CSTPP1: variants seen among roughly 807,000 people sequenced by gnomAD.
CSTPP1 encodes the protein centriolar satellite-associated tubulin polyglutamylase complex regulator 1.
chr11:46,936,980 G>A, the CSTPP1 span: 1 of 1,221,940 alleles, frequency 8.2e-7, no homozygotes. Context: ...GGAGAGGCGG[G>A]GGTTCCAGGG....
chr11:47,115,956 A>G, the CSTPP1 span, among the ~76,000 whole-genome samples: 10,473 of 152,162 alleles, frequency 0.069, 557 homozygotes, highest in Middle Eastern at 0.13. Flanking sequence ...TGGGCATTTA[A>G]TGCTATAAAT....
chr11:47,159,230 C>T, the CSTPP1 span, among the ~76,000 whole-genome samples: 1 of 152,190 alleles, frequency 6.6e-6, no homozygotes, highest in African/African-American at 2.4e-5. Flanking sequence ...AATTGACAGG[C>T]CAGGCGTGGT....
chr11:47,152,534 G>C, the CSTPP1 span, among the ~76,000 whole-genome samples: 4 of 150,356 alleles, frequency 2.7e-5, no homozygotes, highest in Non-Finnish European at 4.5e-5. Flanking sequence ...TGCGAGGCAG[G>C]GGTAGCCCTT....
the CSTPP1 span, among the ~76,000 whole-genome samples, chr11:47,006,172 A>C: frequency 6.6e-6 from 1 of 152,300 alleles, no homozygotes; most frequent in Middle Eastern, 3.4e-3. Context: ...CAAAATCAAG[A>C]ACTTAACATT....
the CSTPP1 span, among the ~76,000 whole-genome samples, chr11:47,100,490 G>T: frequency 6.6e-5 from 10 of 152,290 alleles, no homozygotes; most frequent in East Asian, 3.9e-4. Context: ...GGGCAAATTT[G>T]TTAGCAATAA....
At chr11:47,065,977 T>TTTGTGTGTG in the CSTPP1 span, among the ~76,000 whole-genome samples, 1 of 146,000 alleles carries the variant, frequency 6.8e-6, no homozygotes, top group East Asian at 2.0e-4. Context: ...GGTCTAACAG[T>TTTGTGTGTG]TGTGTGTGTG....
the CSTPP1 span, chr11:47,155,460 T>C: frequency 3.3e-6 from 2 of 611,838 alleles, no homozygotes; most frequent in South Asian, 3.8e-5. Flanking sequence ...GCCGACTTCC[T>C]CAGCCTCCTG....
At chr11:47,055,900 A>C in the CSTPP1 span, among the ~76,000 whole-genome samples, 4 of 152,246 alleles carry the variant, frequency 2.6e-5, no homozygotes, top group African/African-American at 9.6e-5. Flanking sequence ...TTTTAAGTTA[A>C]GTAATTCAGA....
At chr11:47,055,973 C>T in the CSTPP1 span, among the ~76,000 whole-genome samples, 1 of 152,180 alleles carries the variant, frequency 6.6e-6, no homozygotes, top group Non-Finnish European at 1.5e-5. Context: ...AGGTAAAGCT[C>T]GTGCTATGTT....
the CSTPP1 span, chr11:47,155,044 A>G: frequency 1.3e-6 from 1 of 775,322 alleles, no homozygotes. Flanking sequence ...GCCCCAGGGG[A>G]GACTGGCGGC....
At chr11:47,021,343 C>T in the CSTPP1 span, among the ~76,000 whole-genome samples, 1 of 152,182 alleles carries the variant, frequency 6.6e-6, no homozygotes, top group African/African-American at 2.4e-5. Context: ...GCTACTCACT[C>T]TCTTCTATTA....
chr11:47,163,986 A>T, the CSTPP1 span: 1 of 1,320,612 alleles, frequency 7.6e-7, no homozygotes, highest in African/African-American at 1.5e-5. Context: ...ATCCCCAGTC[A>T]AGCCTACTGC....
chr11:47,107,847 G>A, the CSTPP1 span, among the ~76,000 whole-genome samples: 2 of 136,690 alleles, frequency 1.5e-5, no homozygotes, highest in East Asian at 3.4e-4. Context: ...GAAACTGCTC[G>A]GTACAATTCC....
the CSTPP1 span, among the ~76,000 whole-genome samples, chr11:47,069,198 C>T: frequency 6.6e-6 from 1 of 152,210 alleles, no homozygotes; most frequent in South Asian, 2.1e-4. Flanking sequence ...TGATCTACTT[C>T]AACCCTTCCC....
the CSTPP1 span, among the ~76,000 whole-genome samples, chr11:47,101,197 T>TTTTTTTTTG: frequency 1.5e-5 from 2 of 136,820 alleles, no homozygotes; most frequent in African/African-American, 5.5e-5. Context: ...TTTATTTTAT[T>TTTTTTTTTG]TTTAGTAGAG....
At chr11:47,143,401 G>T in the CSTPP1 span, among the ~76,000 whole-genome samples, 1 of 152,198 alleles carries the variant, frequency 6.6e-6, no homozygotes, top group Non-Finnish European at 1.5e-5. Context: ...TCTGGGGACA[G>T]GCTGCAGAAG....
the CSTPP1 span, among the ~76,000 whole-genome samples, chr11:47,104,877 T>C: frequency 1.2e-4 from 19 of 152,328 alleles, 1 homozygote; most frequent in Middle Eastern, 6.8e-3. Flanking sequence ...AAACCCCTCT[T>C]GTGTTCAGTT....
At chr11:47,060,661 G>T in the CSTPP1 span, among the ~76,000 whole-genome samples, 1 of 152,122 alleles carries the variant, frequency 6.6e-6, no homozygotes, top group Non-Finnish European at 1.5e-5. Context: ...AGGATGGGTT[G>T]GGGGTGAGGG....
the CSTPP1 span, among the ~76,000 whole-genome samples, chr11:47,009,910 T>G: frequency 6.6e-6 from 1 of 152,150 alleles, no homozygotes; most frequent in Non-Finnish European, 1.5e-5. Flanking sequence ...ATTTTTAAAA[T>G]TCAGTAACTA....
Sources: gnomAD v4.1 joint callset for allele counts (sites outside exome capture counted in the v4.1 genomes callset) on GRCh38, gnomAD v4.1.1 for gene constraint, MANE v1.5 for transcripts, NCBI Gene and HGNC (gene_info 2026-07-23, HGNC 2026-07-21) for gene names.